KCTD16: variants seen among roughly 807,000 people sequenced by gnomAD.
KCTD16 encodes BTB/POZ domain-containing protein KCTD16.
KCTD16 carries 13 observed loss-of-function variants against 33.2 expected under a neutral mutation model. The ratio of observed to expected loss-of-function variants is 0.39; its 90% CI spans 0.25 to 0.62. KCTD16 has a LOEUF of 0.62. KCTD16 is among the 20% of genes least tolerant of loss of function. The pLI, the probability that KCTD16 is intolerant of heterozygous loss-of-function variation, is 0.50. For missense variants in KCTD16, 441 were observed against 525.1 expected (o/e 0.84, Z 1.57); for synonymous variants, 197 against 195.3 (o/e 1.01, Z -0.07).
intron 3 of KCTD16, among the ~76,000 whole-genome samples, chr5:144,418,926 T>C (rs1249744668): frequency 1.3e-5 from 2 of 152,132 alleles, no homozygotes; most frequent in East Asian, 3.9e-4. Context: ...ACATCATGGT[T>C]ATGTTTGGAA....
At chr5:144,323,334 A>G (rs935770446) in intron 3 of KCTD16, among the ~76,000 whole-genome samples, 49 of 152,330 alleles carry the variant, frequency 3.2e-4, no homozygotes, top group Non-Finnish European at 2.1e-4. Context: ...GGGTTCTCCA[A>G]GAAACAGATG....
chr5:144,329,185 T>A (rs749617023), intron 3 of KCTD16, among the ~76,000 whole-genome samples: 5 of 152,180 alleles, frequency 3.3e-5, no homozygotes, highest in Admixed American at 6.5e-5. Context: ...ATTTGGCTGA[T>A]CAGGCCTGAC....
intron 3 of KCTD16, among the ~76,000 whole-genome samples, chr5:144,450,742 G>A (rs1177084139): frequency 6.6e-6 from 1 of 152,062 alleles, no homozygotes; most frequent in African/African-American, 2.4e-5. Context: ...GGTATCTAAA[G>A]TAGTCAAATT....
intron 3 of KCTD16, among the ~76,000 whole-genome samples, chr5:144,441,174 A>T (rs992635328): frequency 2.0e-5 from 3 of 151,976 alleles, no homozygotes; most frequent in Non-Finnish European, 2.9e-5. Flanking sequence ...CCCTTATCAG[A>T]TGTATGATGT....
chr5:144,391,681 C>T (rs894696641), intron 3 of KCTD16, among the ~76,000 whole-genome samples: 6 of 152,154 alleles, frequency 3.9e-5, no homozygotes, highest in African/African-American at 7.2e-5. Flanking sequence ...TATACCCTGA[C>T]GTACCTACAA....
chr5:144,261,196 A>AG (rs199498987), intron 3 of KCTD16, among the ~76,000 whole-genome samples: 2,476 of 151,376 alleles, frequency 0.016, 28 homozygotes, highest in Non-Finnish European at 0.027. Context: ...AAAAAAAAAA[A>AG]AGGAACAGTT....
At chr5:144,225,302 A>G (rs955301401) in intron 3 of KCTD16, among the ~76,000 whole-genome samples, 1 of 152,122 alleles carries the variant, frequency 6.6e-6, no homozygotes, top group Non-Finnish European at 1.5e-5. Flanking sequence ...CTTTTAAGAA[A>G]TTGAACCAGA....
intron 3 of KCTD16, among the ~76,000 whole-genome samples, chr5:144,231,535 A>G (rs1754102508): frequency 6.6e-6 from 1 of 152,176 alleles, no homozygotes; most frequent in Non-Finnish European, 1.5e-5. Flanking sequence ...CTGTGATACT[A>G]CATACCATAT....
chr5:144,196,307 G>A (rs961338289), intron 2 of KCTD16, among the ~76,000 whole-genome samples: 5 of 152,010 alleles, frequency 3.3e-5, no homozygotes, highest in Non-Finnish European at 1.5e-5. Context: ...ATTATTGTCA[G>A]TGCCTCACAA....
intron 3 of KCTD16, among the ~76,000 whole-genome samples, chr5:144,327,582 T>C (rs1326327864): frequency 6.6e-6 from 1 of 152,180 alleles, no homozygotes; most frequent in South Asian, 2.1e-4. Flanking sequence ...AGATAATCAC[T>C]GTTAACAGTT....
intron 3 of KCTD16, among the ~76,000 whole-genome samples, chr5:144,353,420 G>C (rs1243025403): frequency 1.3e-5 from 2 of 152,122 alleles, no homozygotes; most frequent in Non-Finnish European, 1.5e-5. Flanking sequence ...AGATGGGTCA[G>C]ATTCCTACCA....
At chr5:144,263,411 A>T (rs1692516958) in intron 3 of KCTD16, among the ~76,000 whole-genome samples, 1 of 152,034 alleles carries the variant, frequency 6.6e-6, no homozygotes, top group Non-Finnish European at 1.5e-5. Context: ...AACTCCTCAA[A>T]CCTCTGCTAA....
At chr5:144,356,155 T>A (rs1209714244) in intron 3 of KCTD16, among the ~76,000 whole-genome samples, 1 of 152,178 alleles carries the variant, frequency 6.6e-6, no homozygotes, top group Non-Finnish European at 1.5e-5. Flanking sequence ...GCTACGACGG[T>A]CTCACTCAAT....
At chr5:144,447,299 A>G (rs145107277) in intron 3 of KCTD16, among the ~76,000 whole-genome samples, 4,899 of 152,202 alleles carry the variant, frequency 0.032, 234 homozygotes, top group African/African-American at 0.11. Context: ...CAGCAAACTA[A>G]CACAGGAACA....
intron 3 of KCTD16, among the ~76,000 whole-genome samples, chr5:144,432,219 G>A (rs1753479018): frequency 1.3e-5 from 2 of 151,994 alleles, no homozygotes; most frequent in Non-Finnish European, 2.9e-5. Context: ...AATCTGAGTA[G>A]GATACTTTTC....
At chr5:144,305,910 A>T (rs1341213997) in intron 3 of KCTD16, among the ~76,000 whole-genome samples, 2 of 152,206 alleles carry the variant, frequency 1.3e-5, no homozygotes, top group African/African-American at 4.8e-5. Flanking sequence ...TCCTGTGGAC[A>T]TGTTGATCCT....
At chr5:144,182,866 C>G (rs890809604) in intron 2 of KCTD16, among the ~76,000 whole-genome samples, 1 of 152,054 alleles carries the variant, frequency 6.6e-6, no homozygotes, top group African/African-American at 2.4e-5. Context: ...TCTTCACTCC[C>G]AGTTATGTTT....
chr5:144,372,116 A>T (rs1751980834), intron 3 of KCTD16, among the ~76,000 whole-genome samples: 1 of 152,098 alleles, frequency 6.6e-6, no homozygotes, highest in Non-Finnish European at 1.5e-5. Flanking sequence ...TGCAGTGTTG[A>T]GATTAAAATC....
intron 3 of KCTD16, among the ~76,000 whole-genome samples, chr5:144,267,872 G>A (rs1212029562): frequency 6.6e-6 from 1 of 151,986 alleles, no homozygotes; most frequent in Non-Finnish European, 1.5e-5. Context: ...GCTTCCACAG[G>A]GAATTTCCCC....
Sources: gnomAD v4.1 joint callset for allele counts (sites outside exome capture counted in the v4.1 genomes callset) on GRCh38, gnomAD v4.1.1 for gene constraint, MANE v1.5 for transcripts, NCBI Gene and HGNC (gene_info 2026-07-23, HGNC 2026-07-21) for gene names.